FGF13: variants seen among roughly 807,000 people sequenced by gnomAD.
The protein encoded by FGF13 is fibroblast growth factor 13.
Under a neutral mutation model 19.5 loss-of-function variants are expected in FGF13, and 2 were observed. That is an observed-to-expected ratio of 0.10 (90% CI 0.04 to 0.32). The LOEUF is 0.32. Ranked by LOEUF, FGF13 falls within the 10% of genes least tolerant of loss-of-function variation. FGF13 has a pLI of 1.00. For synonymous variants in FGF13, 72 were observed against 76.9 expected (o/e 0.94, Z 0.33); for missense variants, 113 against 192.7 (o/e 0.59, Z 2.45).
chrX:138,970,274 G>C (rs954141380), intron 1 of FGF13, among the ~76,000 whole-genome samples: 7 of 111,387 alleles, frequency 6.3e-5, no homozygotes, highest in African/African-American at 2.3e-4. Flanking sequence ...CACTCAATAA[G>C]TATTTTTAAA....
intron 1 of FGF13, among the ~76,000 whole-genome samples, chrX:139,143,237 T>A (rs1368402638): frequency 2.7e-5 from 3 of 111,725 alleles, no homozygotes; most frequent in Non-Finnish European, 5.6e-5. Context: ...TGTTTGGATA[T>A]TTATGTGGTA....
chrX:138,924,154 A>C (rs1183853564), intron 1 of FGF13, among the ~76,000 whole-genome samples: 1 of 112,387 alleles, frequency 8.9e-6, no homozygotes, highest in Non-Finnish European at 1.9e-5. Flanking sequence ...AATTAGCTTT[A>C]GCAATGATGG....
chrX:139,148,338 C>T (rs1463287038), intron 1 of FGF13, among the ~76,000 whole-genome samples: 1 of 111,528 alleles, frequency 9.0e-6, no homozygotes, highest in Non-Finnish European at 1.9e-5. Context: ...AGTAGAACTT[C>T]ATACACTACC....
intron 3 of FGF13, among the ~76,000 whole-genome samples, chrX:138,680,440 C>T (rs1042307429): frequency 1.5e-4 from 17 of 111,909 alleles, no homozygotes; most frequent in African/African-American, 5.5e-4. Context: ...ATCAAAATTA[C>T]TCCTTGATCC....
chrX:139,033,050 A>AAAAAAAC (rs1569444631), intron 1 of FGF13, among the ~76,000 whole-genome samples: 19 of 98,980 alleles, frequency 1.9e-4, no homozygotes, highest in African/African-American at 7.1e-4. Context: ...AAAAAAAAAA[A>AAAAAAAC]AAAAACTACA....
At chrX:139,153,228 G>A (rs2083949435) in intron 1 of FGF13, among the ~76,000 whole-genome samples, 1 of 110,649 alleles carries the variant, frequency 9.0e-6, no homozygotes. Context: ...CCAACTATTG[G>A]CAGGTCCAAC....
chrX:138,931,641 A>G (rs1381048165), intron 1 of FGF13, among the ~76,000 whole-genome samples: 1 of 111,796 alleles, frequency 8.9e-6, no homozygotes, highest in African/African-American at 3.2e-5. Flanking sequence ...AACATATCCA[A>G]CATAGCTATA....
chrX:139,108,433 G>A (rs1277717969), intron 1 of FGF13, among the ~76,000 whole-genome samples: 1 of 111,237 alleles, frequency 9.0e-6, no homozygotes, highest in African/African-American at 3.3e-5. Context: ...AAAAACGTAA[G>A]AGACTCAGCT....
chrX:138,678,948 TAGA>T (rs1476190034), intron 3 of FGF13, among the ~76,000 whole-genome samples: 2 of 112,378 alleles, frequency 1.8e-5, no homozygotes, highest in South Asian at 3.7e-4. Context: ...TTTTGGCGCA[TAGA>T]AGAAGGTAGC....
chrX:138,958,253 C>A (rs769156312), intron 1 of FGF13, among the ~76,000 whole-genome samples: 1 of 111,726 alleles, frequency 9.0e-6, no homozygotes, highest in African/African-American at 3.3e-5. Context: ...TGAATTTTGT[C>A]AAAGGCCTTT....
intron 1 of FGF13, among the ~76,000 whole-genome samples, chrX:139,193,644 A>G (rs917517308): frequency 9.0e-6 from 1 of 111,484 alleles, no homozygotes; most frequent in Non-Finnish European, 1.9e-5. Flanking sequence ...GCATCATATA[A>G]TATAAAAATA....
intron 1 of FGF13, among the ~76,000 whole-genome samples, chrX:139,193,249 A>T (rs1323723111): frequency 1.8e-5 from 2 of 111,573 alleles, no homozygotes; most frequent in Non-Finnish European, 3.8e-5. Flanking sequence ...TAGATAGCCC[A>T]TTATGAAGTA....
chrX:139,122,734 C>A (rs1281498360), intron 1 of FGF13, among the ~76,000 whole-genome samples: 1 of 111,526 alleles, frequency 9.0e-6, no homozygotes, highest in Non-Finnish European at 1.9e-5. Context: ...AGTAAAAGGA[C>A]TGGCATTTAC....
intron 3 of FGF13, among the ~76,000 whole-genome samples, chrX:138,755,220 T>A (rs148877510): frequency 0.016 from 1,803 of 112,183 alleles, 26 homozygotes; most frequent in African/African-American, 0.055. Context: ...ACCATATCCC[T>A]AGCACCTAAC....
intron 1 of FGF13, among the ~76,000 whole-genome samples, chrX:138,922,079 T>G (rs2091649469): frequency 9.1e-6 from 1 of 109,916 alleles, no homozygotes; most frequent in African/African-American, 3.3e-5. Context: ...CTGATTTTGC[T>G]ACTGGCTATG....
chrX:138,992,145 A>T (rs1203020505), intron 1 of FGF13, among the ~76,000 whole-genome samples: 1 of 110,435 alleles, frequency 9.1e-6, no homozygotes, highest in African/African-American at 3.3e-5. Context: ...TGTGTGGGTG[A>T]ATTTCCTGTT....
chrX:138,728,990 G>A (rs532307698), intron 1 of FGF13, among the ~76,000 whole-genome samples: 1 of 111,382 alleles, frequency 9.0e-6, no homozygotes, highest in South Asian at 3.8e-4. Context: ...CAATATAAGA[G>A]TAGATTGATC....
At chrX:138,753,950 C>A (rs953340424) in intron 3 of FGF13, among the ~76,000 whole-genome samples, 4 of 111,813 alleles carry the variant, frequency 3.6e-5, no homozygotes, top group Non-Finnish European at 5.6e-5. Context: ...TCAACAACAA[C>A]AAAAAAATCA....
chrX:138,651,086 C>T (rs1001193407), intron 3 of FGF13, among the ~76,000 whole-genome samples: 3 of 111,864 alleles, frequency 2.7e-5, no homozygotes, highest in African/African-American at 9.7e-5. Flanking sequence ...AGCCAAGTGA[C>T]CAGAGTAAAA....
Sources: allele counts gnomAD v4.1 joint callset (sites outside exome capture counted in the v4.1 genomes callset), GRCh38; gene constraint gnomAD v4.1.1; transcripts MANE v1.5; gene names NCBI Gene and HGNC (gene_info 2026-07-23, HGNC 2026-07-21).